The following RORA variants were observed in gnomAD, a reference collection of about 807,000 sequenced individuals.
The protein encoded by RORA is RAR related orphan receptor A, also known as nuclear receptor ROR-alpha.
A neutral mutation model predicts 69.5 loss-of-function variants in RORA; 7 were observed. That is an observed-to-expected ratio of 0.10 (90% CI 0.06 to 0.19). RORA has a LOEUF of 0.19. Among genes scored for constraint, RORA ranks in the 10% least tolerant of loss-of-function variants. The probability of loss-of-function intolerance (pLI) is 1.00; values close to 1 mark genes in which losing one functional copy is unlikely to be tolerated. For missense variants in RORA, 457 were observed against 663.0 expected, an observed-to-expected ratio of 0.69 and a Z score of 3.41; for synonymous variants, 261 against 240.8, an observed-to-expected ratio of 1.08 and a Z score of -0.78.
At chr15:60,581,524 G>T (rs1438162348) in intron 2 of RORA, among the ~76,000 whole-genome samples, 1 of 152,174 alleles carries the variant, frequency 6.6e-6, no homozygotes, top group Non-Finnish European at 1.5e-5. Flanking sequence ...TGCAATGGAG[G>T]TACAATTTCT....
Position 60,698,630 on chromosome 15 carries a change from G to GTT in RORA, c.167-19946_167-19945dup, listed in dbSNP as rs34961839. Among the ~76,000 whole-genome samples, 300 of 112,658 alleles carry GTT rather than the reference G, an allele frequency of 2.7e-3. 1 individual carries two copies. Among genetic ancestry groups the GTT allele is most frequent in the East Asian group, 0.011 (48 of 4,346 alleles). 73.9% of individuals were successfully genotyped at this position (112,658 alleles called of 152,430 possible). ...TACATAGATTTCTTTTGGCATTTGT[G>GTT]TTTTTTTTTTTTTTTTTGGAAGTAC... is the stretch of plus-strand genomic sequence containing the variant. On this transcript the variant is annotated intron_variant, in intron 1 of 10. Coordinates refer to ENST00000335670, the MANE Select transcript of RORA (RefSeq NM_134261.3).
intron 2 of RORA, among the ~76,000 whole-genome samples, chr15:60,548,731 A>G (rs1408638303): frequency 3.3e-5 from 5 of 152,072 alleles, no homozygotes; most frequent in Admixed American, 6.5e-5. Flanking sequence ...TCCACCTCCC[A>G]GGTTCACACC....
intron 1 of RORA, among the ~76,000 whole-genome samples, chr15:60,816,689 C>G (rs1272618658): frequency 6.7e-6 from 1 of 150,070 alleles, no homozygotes. Flanking sequence ...ACATATGTAA[C>G]AAACCTGCAC....
chr15:61,155,724 C>T (rs2079436492), intron 1 of RORA, among the ~76,000 whole-genome samples: 1 of 152,140 alleles, frequency 6.6e-6, no homozygotes, highest in African/African-American at 2.4e-5. Flanking sequence ...ATAGTTTCCT[C>T]CAATAACATT....
chr15:60,761,391 A>C (rs2071887473), intron 1 of RORA, among the ~76,000 whole-genome samples: 1 of 152,170 alleles, frequency 6.6e-6, no homozygotes. Context: ...AAGGCACTTT[A>C]GGATCCTGTA....
intron 2 of RORA, among the ~76,000 whole-genome samples, chr15:60,539,379 G>C (rs2141489644): frequency 1.3e-5 from 2 of 152,246 alleles, no homozygotes; most frequent in South Asian, 4.1e-4. Flanking sequence ...ATGTATCTCT[G>C]CTAAAAGCCA....
At chr15:61,216,364 G>A (rs2080040326) in intron 1 of RORA, among the ~76,000 whole-genome samples, 1 of 152,312 alleles carries the variant, frequency 6.6e-6, no homozygotes, top group Admixed American at 6.5e-5. Flanking sequence ...GTCTTTTAGA[G>A]TATTGCTTGC....
intron 1 of RORA, among the ~76,000 whole-genome samples, chr15:61,224,496 A>C (rs1013047419): frequency 6.6e-6 from 1 of 152,182 alleles, no homozygotes; most frequent in Non-Finnish European, 1.5e-5. Context: ...GTAAACTCAG[A>C]ACACATGGCA....
chr15:60,752,579 A>G (rs527418538), intron 1 of RORA, among the ~76,000 whole-genome samples: 14 of 152,248 alleles, frequency 9.2e-5, no homozygotes, highest in Non-Finnish European at 2.1e-4. Flanking sequence ...GCCGAGAACA[A>G]CAGCGGTAGG....
intron 1 of RORA, among the ~76,000 whole-genome samples, chr15:60,733,914 C>CAGAGAGAGAGAGAGAGAGAGAG (rs58672002): frequency 3.0e-5 from 3 of 101,476 alleles, no homozygotes; most frequent in Non-Finnish European, 4.0e-5. Flanking sequence ...AGAATAGGGG[C>CAGAGAGAGAGAGAGAGAGAGAG]AGAGAGAGAG....
At chr15:60,521,268 A>C (rs2141388886) in intron 3 of RORA, among the ~76,000 whole-genome samples, 1 of 147,714 alleles carries the variant, frequency 6.8e-6, no homozygotes, top group East Asian at 2.0e-4. Flanking sequence ...TTTGAGACGG[A>C]GTCTTGGTCC....
intron 1 of RORA, among the ~76,000 whole-genome samples, chr15:60,829,455 A>G (rs2073011163): frequency 6.6e-6 from 1 of 152,154 alleles, no homozygotes; most frequent in South Asian, 2.1e-4. Context: ...TTCTGCCAAA[A>G]AATAGTTGTC....
chr15:61,144,025 A>G (rs1474432761), intron 1 of RORA, among the ~76,000 whole-genome samples: 1 of 152,252 alleles, frequency 6.6e-6, no homozygotes, highest in Admixed American at 6.5e-5. Context: ...ATGTTAGATA[A>G]AAGGCTAATT....
Position 60,627,198 on chromosome 15 carries a change from T to C in RORA, c.196+51459A>G, listed in dbSNP as rs141876189. On this transcript the variant is annotated intron_variant, in intron 2 of 10. Coordinates refer to ENST00000335670, the MANE Select transcript of RORA (RefSeq NM_134261.3). Reference sequence around the variant, plus strand: ...TGGGTGGTGGGGGGAGGGTACACAGTGATCAGCAGAGCAAAGAACTTGCTC... The same window carrying C: ...TGGGTGGTGGGGGGAGGGTACACAGCGATCAGCAGAGCAAAGAACTTGCTC... The C allele has an allele frequency of 1.3e-4, 203 of 1,590,846 alleles. 2 individuals carry two copies. In the East Asian group the frequency reaches 4.5e-3, roughly 36 times the overall value.
At chr15:60,777,424 G>A (rs755665828) in intron 1 of RORA, among the ~76,000 whole-genome samples, 6 of 151,946 alleles carry the variant, frequency 3.9e-5, no homozygotes, top group Non-Finnish European at 8.8e-5. Context: ...TGCCTCTCTG[G>A]GCCTCAGTTT....
rs542352584 is a variant in RORA, at chr15:61,161,616, C to A, written c.166+67437G>T. Among the ~76,000 whole-genome samples, 120 of 152,072 alleles carry A rather than the reference C, an allele frequency of 7.9e-4. 1 individual carries two copies. In the South Asian group the frequency reaches 0.024, roughly 30 times the overall value. ...ATTGTTTTGACTGTTCTTATCTCCACTACTGGGCTTGGGTGCACATAACTA... is the reference window on the plus strand; with the variant it reads ...ATTGTTTTGACTGTTCTTATCTCCAATACTGGGCTTGGGTGCACATAACTA... On this transcript the variant is annotated intron_variant, in intron 1 of 10. Coordinates refer to ENST00000335670, the MANE Select transcript of RORA (RefSeq NM_134261.3).
chr15:61,172,161 C>T (rs1052423137), intron 1 of RORA, among the ~76,000 whole-genome samples: 63 of 152,100 alleles, frequency 4.1e-4, no homozygotes, highest in African/African-American at 1.5e-3. Flanking sequence ...GGTATAGTGT[C>T]CTTACACAGC....
chr15:61,122,547 T>C (rs1596008059), intron 1 of RORA, among the ~76,000 whole-genome samples: 1 of 152,184 alleles, frequency 6.6e-6, no homozygotes, highest in Non-Finnish European at 1.5e-5. Flanking sequence ...TATATGGCTG[T>C]ATAACGTTTA....
chr15:60,799,789 T>A (rs2072553675), intron 1 of RORA, among the ~76,000 whole-genome samples: 1 of 152,208 alleles, frequency 6.6e-6, no homozygotes, highest in African/African-American at 2.4e-5. Context: ...GAGAGGTAGA[T>A]AACGAGGGAG....
Sources: allele counts gnomAD v4.1 joint callset (sites outside exome capture counted in the v4.1 genomes callset), GRCh38; gene constraint gnomAD v4.1.1; transcripts MANE v1.5; gene names NCBI Gene and HGNC (gene_info 2026-07-23, HGNC 2026-07-21).